Variants in TMEM117 observed in about 807,000 individuals in gnomAD.
TMEM117 encodes transmembrane protein 117.
Under a neutral mutation model 52.4 loss-of-function variants are expected in TMEM117, and 27 were observed. The observed-to-expected ratio is 0.51, with a 90% confidence interval of 0.38 to 0.71. The LOEUF (loss-of-function observed/expected upper bound fraction) is 0.71. Among genes scored for constraint, TMEM117 ranks in the 30% least tolerant of loss-of-function variants. The probability of loss-of-function intolerance (pLI) is 0.00; values close to 1 mark genes in which losing one functional copy is unlikely to be tolerated. For missense variants in TMEM117, 556 were observed against 630.5 expected (o/e 0.88, Z 1.26); for synonymous variants, 215 against 206.3 (o/e 1.04, Z -0.36).
intron 2 of TMEM117, among the ~76,000 whole-genome samples, chr12:43,936,994 A>G (rs911183466): frequency 1.3e-5 from 2 of 152,180 alleles, no homozygotes; most frequent in Non-Finnish European, 2.9e-5. Flanking sequence ...GAGATCAGAT[A>G]TACAAAGGAG....
intron 2 of TMEM117, among the ~76,000 whole-genome samples, chr12:43,932,752 T>A (rs1383192616): frequency 6.6e-6 from 1 of 152,238 alleles, no homozygotes; most frequent in African/African-American, 2.4e-5. Flanking sequence ...TCATTTAAAC[T>A]TGTATCTTAT....
At chr12:44,257,883 A>G (rs951128428) in intron 5 of TMEM117, among the ~76,000 whole-genome samples, 1 of 152,128 alleles carries the variant, frequency 6.6e-6, no homozygotes, top group Non-Finnish European at 1.5e-5. Flanking sequence ...TGCCAGAATT[A>G]TTTTTGACAT....
At chr12:44,240,890 GGGA>G (rs1950053263) in intron 5 of TMEM117, among the ~76,000 whole-genome samples, 1 of 152,004 alleles carries the variant, frequency 6.6e-6, no homozygotes, top group Non-Finnish European at 1.5e-5. Flanking sequence ...TTGGGCCAAA[GGGA>G]TATGCATTTT....
chr12:44,281,756 A>G (rs1950579614), intron 5 of TMEM117, among the ~76,000 whole-genome samples: 1 of 152,180 alleles, frequency 6.6e-6, no homozygotes, highest in Non-Finnish European at 1.5e-5. Context: ...TATTTTCACT[A>G]CATGAATAAT....
intron 6 of TMEM117, among the ~76,000 whole-genome samples, chr12:44,307,383 T>C (rs1030724514): frequency 6.6e-6 from 1 of 152,238 alleles, no homozygotes; most frequent in Non-Finnish European, 1.5e-5. Context: ...GTATTTTCTA[T>C]AACTTCTTCA....
At chr12:44,000,045 CT>C (rs1372809741) in intron 3 of TMEM117, among the ~76,000 whole-genome samples, 4 of 152,172 alleles carry the variant, frequency 2.6e-5, no homozygotes, top group Non-Finnish European at 5.9e-5. Flanking sequence ...TGATGAAGTC[CT>C]TCTTCAGTTC....
At chr12:44,117,385 C>G (rs1446591972) in intron 3 of TMEM117, among the ~76,000 whole-genome samples, 1 of 151,936 alleles carries the variant, frequency 6.6e-6, no homozygotes, top group Non-Finnish European at 1.5e-5. Flanking sequence ...CAAGGTGTTG[C>G]AGTTGTCCTC....
At chr12:43,979,643 G>A (rs1363622392) in intron 3 of TMEM117, among the ~76,000 whole-genome samples, 1 of 152,116 alleles carries the variant, frequency 6.6e-6, no homozygotes, top group Non-Finnish European at 1.5e-5. Flanking sequence ...CTGTTGAAGG[G>A]GCCCCATAGG....
chr12:44,307,242 T>C (rs1950914854), intron 6 of TMEM117, among the ~76,000 whole-genome samples: 1 of 152,214 alleles, frequency 6.6e-6, no homozygotes, highest in Non-Finnish European at 1.5e-5. Flanking sequence ...TAAATAGTCA[T>C]GGTGTTTTAA....
At chr12:44,077,396 A>C (rs1245312970) in intron 3 of TMEM117, among the ~76,000 whole-genome samples, 1 of 152,190 alleles carries the variant, frequency 6.6e-6, no homozygotes, top group African/African-American at 2.4e-5. Context: ...TATTTGCCAG[A>C]AGGAACTCTT....
At chr12:43,828,156 T>G in the TMEM117 span, among the ~76,000 whole-genome samples, 5 of 152,262 alleles carry the variant, frequency 3.3e-5, no homozygotes, top group South Asian at 1.0e-3. Context: ...GCCTGGAAAA[T>G]GAATACAGTG....
intron 2 of TMEM117, among the ~76,000 whole-genome samples, chr12:43,867,372 T>C (rs1228113359): frequency 6.6e-6 from 1 of 152,108 alleles, no homozygotes; most frequent in East Asian, 1.9e-4. Context: ...TGTAAATTAT[T>C]ATACTAATAA....
chr12:44,250,925 A>C (rs977302485), intron 5 of TMEM117, among the ~76,000 whole-genome samples: 7 of 152,292 alleles, frequency 4.6e-5, no homozygotes, highest in African/African-American at 1.7e-4. Flanking sequence ...TGATAGGTGC[A>C]GCAAACCACC....
At chr12:44,336,219 T>G (rs1951338919) in intron 6 of TMEM117, among the ~76,000 whole-genome samples, 1 of 152,152 alleles carries the variant, frequency 6.6e-6, no homozygotes, top group South Asian at 2.1e-4. Flanking sequence ...ACTCACCCTG[T>G]GATCTTATGC....
At chr12:44,261,475 T>C (rs1950320176) in intron 5 of TMEM117, among the ~76,000 whole-genome samples, 1 of 152,180 alleles carries the variant, frequency 6.6e-6, no homozygotes, top group Non-Finnish European at 1.5e-5. Flanking sequence ...TAAAAAGCTT[T>C]TTGATATTAC....
chr12:43,921,317 G>T (rs1944690067), intron 2 of TMEM117, among the ~76,000 whole-genome samples: 1 of 152,164 alleles, frequency 6.6e-6, no homozygotes. Flanking sequence ...GGTGGATGAA[G>T]GAAAGTGTTT....
intron 5 of TMEM117, among the ~76,000 whole-genome samples, chr12:44,226,746 A>G (rs1949867019): frequency 6.6e-6 from 1 of 151,518 alleles, no homozygotes; most frequent in Non-Finnish European, 1.5e-5. Context: ...AGATTATGTG[A>G]AGACACAGGG....
intron 5 of TMEM117, among the ~76,000 whole-genome samples, chr12:44,221,609 G>A (rs1302677766): frequency 1.3e-5 from 2 of 152,132 alleles, no homozygotes; most frequent in Admixed American, 1.3e-4. Flanking sequence ...AATGATATCT[G>A]TGAAACTTTT....
intron 3 of TMEM117, among the ~76,000 whole-genome samples, chr12:44,093,151 A>T (rs2138049599): frequency 6.6e-6 from 1 of 152,268 alleles, no homozygotes; most frequent in Non-Finnish European, 1.5e-5. Context: ...GCTTGGAGTT[A>T]TATTAGGCTA....
Sources: allele counts gnomAD v4.1 joint callset (sites outside exome capture counted in the v4.1 genomes callset), GRCh38; gene constraint gnomAD v4.1.1; transcripts MANE v1.5; gene names NCBI Gene and HGNC (gene_info 2026-07-23, HGNC 2026-07-21).